The following DIRAS2 variants were observed in gnomAD, a reference collection of about 807,000 sequenced individuals.
DIRAS2 encodes GTP-binding protein Di-Ras2.
DIRAS2 carries 5 observed loss-of-function variants against 13.9 expected under a neutral mutation model. That is an observed-to-expected ratio of 0.36 (90% confidence interval 0.19 to 0.76). The LOEUF is 0.76. Ranked by LOEUF, DIRAS2 falls within the 30% of genes least tolerant of loss-of-function variation. The pLI is 0.53. For missense variants in DIRAS2, 191 were observed against 263.0 expected, an observed-to-expected ratio of 0.73 and a Z score of 1.89; for synonymous variants, 111 against 105.4, an observed-to-expected ratio of 1.05 and a Z score of -0.33.
chr9:90,618,990 T>C (rs750641763), intron 1 of DIRAS2, among the ~76,000 whole-genome samples: 2 of 152,044 alleles, frequency 1.3e-5, no homozygotes, highest in Non-Finnish European at 2.9e-5. Context: ...AATACAAAAA[T>C]TAGCTGGGCA....
intron 1 of DIRAS2, among the ~76,000 whole-genome samples, chr9:90,636,793 C>T (rs1487214636): frequency 6.6e-6 from 1 of 152,198 alleles, no homozygotes; most frequent in Non-Finnish European, 1.5e-5. Flanking sequence ...GTATGGTATA[C>T]ACAGTGTTTC....
chr9:90,616,097 C>T (rs749567357), intron 1 of DIRAS2, among the ~76,000 whole-genome samples: 1 of 152,210 alleles, frequency 6.6e-6, no homozygotes, highest in African/African-American at 2.4e-5. Context: ...CAATGTATCT[C>T]AAAGATCTCT....
At chr9:90,641,088 AC>A (rs1414652115) in intron 1 of DIRAS2, among the ~76,000 whole-genome samples, 6 of 152,206 alleles carry the variant, frequency 3.9e-5, no homozygotes, top group Admixed American at 3.3e-4. Context: ...GATACGAACA[AC>A]ATACAATAAA....
intron 1 of DIRAS2, among the ~76,000 whole-genome samples, chr9:90,617,948 T>C (rs1485031605): frequency 6.6e-6 from 1 of 152,196 alleles, no homozygotes; most frequent in African/African-American, 2.4e-5. Context: ...AAGCACCCCA[T>C]GTCATGTATC....
chr9:90,635,091 T>C (rs1181062044), intron 1 of DIRAS2, among the ~76,000 whole-genome samples: 1 of 152,220 alleles, frequency 6.6e-6, no homozygotes, highest in Non-Finnish European at 1.5e-5. Flanking sequence ...GCACAACTAG[T>C]GACAGAATCC....
intron 1 of DIRAS2, among the ~76,000 whole-genome samples, chr9:90,635,548 C>G (rs995359847): frequency 6.6e-6 from 1 of 152,218 alleles, no homozygotes; most frequent in African/African-American, 2.4e-5. Flanking sequence ...ACACCAAAAG[C>G]TGAACTCTGA....
intron 1 of DIRAS2, among the ~76,000 whole-genome samples, chr9:90,624,342 C>T (rs939621298): frequency 3.9e-5 from 6 of 152,262 alleles, no homozygotes; most frequent in African/African-American, 1.4e-4. Flanking sequence ...ATAAAAGAGA[C>T]TTAAACATCC....
At chr9:90,625,110 A>T (rs914606128) in intron 1 of DIRAS2, among the ~76,000 whole-genome samples, 3 of 152,244 alleles carry the variant, frequency 2.0e-5, no homozygotes, top group Non-Finnish European at 4.4e-5. Flanking sequence ...TCTGCAGGGA[A>T]ATAGTTACAC....
chr9:90,614,037 A>T (rs895584425), intron 1 of DIRAS2, among the ~76,000 whole-genome samples, 174 bp from the exon 2 acceptor site: 1 of 152,186 alleles, frequency 6.6e-6, no homozygotes, highest in Non-Finnish European at 1.5e-5. Flanking sequence ...AGGACAGACG[A>T]TCTACTCAGG....
intron 1 of DIRAS2, among the ~76,000 whole-genome samples, chr9:90,636,136 C>T (rs912529304): frequency 5.7e-5 from 8 of 139,792 alleles, no homozygotes; most frequent in Non-Finnish European, 1.2e-4. Context: ...CTCCCGGGTT[C>T]ACGCCATTCT....
rs1825119400 is a variant in DIRAS2 at position 90,612,020 on chromosome 9, C to T, written c.*1208G>A. 1 of 152,336 alleles carries T rather than the reference C, an allele frequency of 6.6e-6. No individual in the cohort carries two copies. The highest frequency in any genetic ancestry group is 2.1e-4 in the South Asian group (1 of 4,834). 9.4% of individuals were successfully genotyped at this position (152,336 alleles called of 1,614,324 possible). A position where few individuals can be genotyped will look rare whatever the true frequency, so the allele number is the denominator to read the frequency against. ...TGGCTTGAAAGATTAAAGATGCACA[C>T]AAAATCATTAAGAGAAAAAGATAAT... On this transcript the variant is annotated 3_prime_UTR_variant, in exon 2 of 2. Transcript: ENST00000375765.
chr9:90,615,188 A>G (rs1032790435), intron 1 of DIRAS2, among the ~76,000 whole-genome samples: 1 of 152,240 alleles, frequency 6.6e-6, no homozygotes, highest in Middle Eastern at 3.2e-3. Flanking sequence ...TACCAATGGA[A>G]GGAAATGCAT....
intron 1 of DIRAS2, among the ~76,000 whole-genome samples, chr9:90,618,155 T>C (rs1265640358): frequency 1.3e-5 from 2 of 152,124 alleles, no homozygotes; most frequent in African/African-American, 4.8e-5. Context: ...GACCCATACT[T>C]CCTGATTTCA....
chr9:90,620,374 C>T (rs1825208984), intron 1 of DIRAS2, among the ~76,000 whole-genome samples: 1 of 152,080 alleles, frequency 6.6e-6, no homozygotes, highest in African/African-American at 2.4e-5. Flanking sequence ...TTGAAATATC[C>T]CAAATATTCA....
At chr9:90,639,504 A>C (rs1353634320) in intron 1 of DIRAS2, among the ~76,000 whole-genome samples, 1 of 152,232 alleles carries the variant, frequency 6.6e-6, no homozygotes, top group African/African-American at 2.4e-5. Context: ...TTATATGAGA[A>C]TTGAATGACC....
In DIRAS2 at chr9:90,616,744, A is replaced by G. The variant is rs532436814; in HGVS notation, c.-36-2881T>C. 3.3e-3 allele frequency among the ~76,000 whole-genome samples: 507 copies of G among 151,352 alleles called. 3 individuals carry two copies. Among genetic ancestry groups the G allele is most frequent in the African/African-American group, 0.012 (476 of 41,342 alleles). ...AGAGCAAGACTCCATCACAAAAAAA[A>G]AAAAAAAAAAAAAATTGTAAACTAT... On this transcript the variant is annotated intron_variant, in intron 1 of 1. Coordinates refer to ENST00000375765, the MANE Select transcript of DIRAS2 (RefSeq NM_017594.5).
chr9:90,637,945 T>C (rs984712823), intron 1 of DIRAS2, among the ~76,000 whole-genome samples: 2 of 152,244 alleles, frequency 1.3e-5, no homozygotes, highest in African/African-American at 4.8e-5. Flanking sequence ...AACCACTGTA[T>C]TTTAAAAAAT....
chr9:90,615,653 T>C (rs1825162376), intron 1 of DIRAS2, among the ~76,000 whole-genome samples: 1 of 152,236 alleles, frequency 6.6e-6, no homozygotes, highest in Admixed American at 6.5e-5. Context: ...AAGTCCAATA[T>C]GAAGAAGCTG....
intron 1 of DIRAS2, among the ~76,000 whole-genome samples, chr9:90,630,054 T>C (rs1259382647): frequency 6.6e-6 from 1 of 152,262 alleles, no homozygotes; most frequent in Non-Finnish European, 1.5e-5. Flanking sequence ...TGCTTATTTA[T>C]GCACTTACCT....
Sources: gnomAD v4.1 joint callset for allele counts (sites outside exome capture counted in the v4.1 genomes callset) on GRCh38, gnomAD v4.1.1 for gene constraint, MANE v1.5 for transcripts, NCBI Gene and HGNC (gene_info 2026-07-23, HGNC 2026-07-21) for gene names.